The following ADGRL3 variants were observed in gnomAD, a reference collection of about 807,000 sequenced individuals.
The protein encoded by ADGRL3 is calcium-independent alpha-latrotoxin receptor 3.
In ADGRL3, 62 loss-of-function variants were observed where a neutral mutation model predicts 153.5. That is an observed-to-expected ratio of 0.40 (90% CI 0.33 to 0.50). ADGRL3 has a LOEUF of 0.50. ADGRL3 is among the 20% of genes least tolerant of loss of function. The probability of loss-of-function intolerance (pLI) is 0.47; values close to 1 mark genes in which losing one functional copy is unlikely to be tolerated. For synonymous variants in ADGRL3, 710 were observed against 672.5 expected, an observed-to-expected ratio of 1.06 and a Z score of -0.86; for missense variants, 1,641 against 1,859.4, an observed-to-expected ratio of 0.88 and a Z score of 2.16.
At chr4:62,062,667 T>C (rs1302188041) in intron 25 of ADGRL3, among the ~76,000 whole-genome samples, 2 of 152,070 alleles carry the variant, frequency 1.3e-5, no homozygotes, top group East Asian at 3.9e-4. Flanking sequence ...CTCATGCTGA[T>C]GGTGTTAGAA....
At position 62,076,284 on chromosome 4, in the gene ADGRL3, CA is replaced by C. The variant is rs998333418; in HGVS notation, c.*5377del. 6.6e-6 allele frequency: 1 copy of C among 152,016 alleles called. No individual in the cohort carries two copies. Among genetic ancestry groups the C allele is most frequent in the African/African-American group, 2.4e-5 (1 of 41,430 alleles). 9.4% of individuals were successfully genotyped at this position (152,016 alleles called of 1,614,324 possible). A position where few individuals can be genotyped will look rare whatever the true frequency, so the allele number is the denominator to read the frequency against. ...TTTTCTCTTAATAGTATGTCAAAAG[CA>C]TTGTTCTCATTTGATAATTTGTGTC... On this transcript the variant is annotated 3_prime_UTR_variant, in exon 27 of 27. Transcript: ENST00000683033.
rs371743529 is a variant in ADGRL3 at position 61,540,790 on chromosome 4, A to AC, written c.259+23272_259+23273insC. 9.7e-3 allele frequency among the ~76,000 whole-genome samples: 1,398 copies of AC among 144,430 alleles called. 10 individuals are homozygous for AC. The highest frequency in any genetic ancestry group is 0.016 in the Non-Finnish European group (991 of 62,924). The allele number at this position is 144,430 out of a possible 152,430, so 94.8% of individuals were successfully genotyped here. A position where few individuals can be genotyped will look rare whatever the true frequency, so the allele number is the denominator to read the frequency against. ...AGGCAGATATATTGAAAGAACACAC[A>AC]AAAAAAATTAAATATGTGCATATCA... On this transcript the variant is annotated intron_variant, in intron 4 of 26. Coordinates refer to ENST00000683033, the MANE Select transcript of ADGRL3 (RefSeq NM_001387552.1).
intron 2 of ADGRL3, among the ~76,000 whole-genome samples, chr4:61,391,027 C>G (rs2096796151): frequency 6.6e-6 from 1 of 152,106 alleles, no homozygotes; most frequent in Non-Finnish European, 1.5e-5. Flanking sequence ...TATCTCAGTT[C>G]ATTTATCTAC....
intron 5 of ADGRL3, among the ~76,000 whole-genome samples, chr4:61,637,618 C>A (rs1400188641): frequency 6.6e-6 from 1 of 151,960 alleles, no homozygotes; most frequent in Non-Finnish European, 1.5e-5. Context: ...CAAAAATTAT[C>A]CAGGCGTGGT....
At chr4:61,791,958 T>C (rs2097348117) in intron 8 of ADGRL3, among the ~76,000 whole-genome samples, 1 of 152,172 alleles carries the variant, frequency 6.6e-6, no homozygotes, top group East Asian at 1.9e-4. Context: ...TTTTTCATCC[T>C]AGGACTCCAG....
At chr4:61,862,273 G>T (rs2098348866) in intron 9 of ADGRL3, among the ~76,000 whole-genome samples, 1 of 152,138 alleles carries the variant, frequency 6.6e-6, no homozygotes, top group Admixed American at 6.5e-5. Context: ...ACATTCAAAA[G>T]AACATTGGGA....
rs1476268836 is a variant in ADGRL3 at position 62,074,921 on chromosome 4, A to G, written c.*4013A>G. The G allele has an allele frequency of 6.6e-6, 1 of 152,102 alleles. No individual in the cohort carries two copies. The highest frequency in any genetic ancestry group is 1.5e-5 in the Non-Finnish European group (1 of 68,018). The allele number at this position is 152,102 out of a possible 1,614,324, so 9.4% of individuals were successfully genotyped here. ...CATTTATAAAGGACCCACATATTTA[A>G]TTTTAGGCATTGTCTTCAGCTTCCC... On this transcript the variant is annotated 3_prime_UTR_variant, in exon 27 of 27. Coordinates refer to ENST00000683033, the MANE Select transcript of ADGRL3 (RefSeq NM_001387552.1).
chr4:61,993,164 TTGTG>T (rs3065140), intron 19 of ADGRL3, among the ~76,000 whole-genome samples: 41 of 138,506 alleles, frequency 3.0e-4, no homozygotes, highest in African/African-American at 8.1e-4. Flanking sequence ...TGGGCTGCAG[TTGTG>T]TGTGTGTGTG....
intron 3 of ADGRL3, among the ~76,000 whole-genome samples, chr4:61,501,218 A>G (rs1247484486): frequency 6.6e-6 from 1 of 152,218 alleles, no homozygotes; most frequent in Non-Finnish European, 1.5e-5. Flanking sequence ...TACTAAAGAC[A>G]GGACAGTGAA....
At position 62,071,626 on chromosome 4, in the gene ADGRL3, T is replaced by G. The variant is rs775261807; in HGVS notation, c.*718T>G. On this transcript the variant is annotated 3_prime_UTR_variant, in exon 27 of 27. Transcript: ENST00000683033. ...CTGTTCCTCCAGAATTTGAGTCCTG[T>G]TAATGTAGTAGAAAAAAAAAAAAGA... is the stretch of plus-strand genomic sequence containing the variant. 20 of 362,982 alleles carry G rather than the reference T, an allele frequency of 5.5e-5. No homozygotes were observed. The highest frequency in any genetic ancestry group is 4.1e-4 in the African/African-American group (19 of 46,074). The allele number at this position is 362,982 out of a possible 1,614,324, so 22.5% of individuals were successfully genotyped here. A position where few individuals can be genotyped will look rare whatever the true frequency, so the allele number is the denominator to read the frequency against.
rs2098820253 is a variant in ADGRL3, at chr4:61,567,311, T to C, written c.260-19916T>C. On this transcript the variant is annotated intron_variant, in intron 4 of 26. Coordinates refer to ENST00000683033, the MANE Select transcript of ADGRL3 (RefSeq NM_001387552.1). The stretch of plus-strand genomic sequence containing the variant: ...TGTCAAGGGATGTTTTAGTAGCTGC[T>C]AAGTTCTGAATGTTTGTGTCCACCA... Among the ~76,000 whole-genome samples, 3 of 152,200 alleles carry C rather than the reference T, an allele frequency of 2.0e-5. No individual in the cohort carries two copies. The South Asian group carries it at 6.2e-4, about 31-fold the overall frequency.
At position 61,587,459 on chromosome 4, in the gene ADGRL3, T is replaced by A; in HGVS notation, c.473+19T>A. 6.4e-7 allele frequency: 1 copy of A among 1,556,474 alleles called. No homozygotes were observed. ...CTCAAAGGTATGATACTTCTAATAT[T>A]CTTTTCTTTGTGCACAATATAAACC... On this transcript the variant is annotated intron_variant, in intron 5 of 26. Coordinates refer to ENST00000683033, the MANE Select transcript of ADGRL3 (RefSeq NM_001387552.1).
chr4:62,019,427 C>T (rs374326816), intron 21 of ADGRL3, among the ~76,000 whole-genome samples: 192 of 152,116 alleles, frequency 1.3e-3, no homozygotes, highest in African/African-American at 4.5e-3. Context: ...TAGCACATTT[C>T]TGAAGCTGTC....
chr4:61,575,047 C>T (rs1463802011), intron 4 of ADGRL3, among the ~76,000 whole-genome samples: 2 of 151,610 alleles, frequency 1.3e-5, no homozygotes, highest in African/African-American at 4.8e-5. Context: ...TTTTCTTAAC[C>T]ACCTGTATTG....
chr4:62,059,410 A>G (rs1399928459), intron 25 of ADGRL3, among the ~76,000 whole-genome samples: 1 of 152,062 alleles, frequency 6.6e-6, no homozygotes, highest in Non-Finnish European at 1.5e-5. Flanking sequence ...TGTAGAGTTA[A>G]TTTCAGAAAC....
At chr4:61,433,368 A>ATTTTTTTTT (rs775643745) in intron 2 of ADGRL3, among the ~76,000 whole-genome samples, 3 of 132,716 alleles carry the variant, frequency 2.3e-5, no homozygotes, top group Non-Finnish European at 1.7e-5. Flanking sequence ...TTTTTTTTAA[A>ATTTTTTTTT]AAAAAATCAG....
At chr4:61,744,654 C>A (rs1375333350) in intron 8 of ADGRL3, among the ~76,000 whole-genome samples, 3 of 152,166 alleles carry the variant, frequency 2.0e-5, no homozygotes, top group Admixed American at 6.5e-5. Context: ...AGCTGAGGGT[C>A]CTATCTGTTA....
At chr4:61,557,069 A>C (rs1030346873) in intron 4 of ADGRL3, among the ~76,000 whole-genome samples, 1 of 152,180 alleles carries the variant, frequency 6.6e-6, no homozygotes, top group African/African-American at 2.4e-5. Flanking sequence ...CAGTAGTTTC[A>C]ACACTGGTAA....
chr4:61,758,804 G>T (rs562985369), intron 8 of ADGRL3, among the ~76,000 whole-genome samples: 1 of 152,196 alleles, frequency 6.6e-6, no homozygotes, highest in African/African-American at 2.4e-5. Context: ...GCATGATTTT[G>T]CAGTGGCTGG....
Sources: gnomAD v4.1 joint callset for allele counts (sites outside exome capture counted in the v4.1 genomes callset) on GRCh38, gnomAD v4.1.1 for gene constraint, MANE v1.5 for transcripts, NCBI Gene and HGNC (gene_info 2026-07-23, HGNC 2026-07-21) for gene names.